ARHGAP32: variants seen among roughly 807,000 people sequenced by gnomAD.
The protein encoded by ARHGAP32 is Rho GTPase activating protein 32.
Under a neutral mutation model 186.5 loss-of-function variants are expected in ARHGAP32, and 51 were observed. That is an observed-to-expected ratio of 0.27 (90% confidence interval 0.22 to 0.35). The LOEUF (loss-of-function observed/expected upper bound fraction) is 0.35, where lower values mean the gene tolerates loss of function less well. ARHGAP32 is among the 10% of genes least tolerant of loss of function. ARHGAP32 has a pLI of 1.00. For synonymous variants in ARHGAP32, 950 were observed against 964.3 expected, an observed-to-expected ratio of 0.99 and a Z score of 0.27; for missense variants, 2,186 against 2,623.5, an observed-to-expected ratio of 0.83 and a Z score of 3.64.
intron 1 of ARHGAP32, among the ~76,000 whole-genome samples, chr11:129,236,146 A>G (rs940321407): frequency 5.9e-5 from 9 of 152,212 alleles, no homozygotes; most frequent in African/African-American, 2.2e-4. Flanking sequence ...GAATCTCCAC[A>G]CTGTTTTCCA....
chr11:129,262,586 G>C (rs1307306450), intron 1 of ARHGAP32, among the ~76,000 whole-genome samples: 2 of 151,882 alleles, frequency 1.3e-5, no homozygotes, highest in African/African-American at 4.8e-5. Flanking sequence ...GGTTTCACCA[G>C]GGGGTTTCAC....
intron 1 of ARHGAP32, among the ~76,000 whole-genome samples, chr11:129,184,960 G>A (rs1944129184): frequency 6.6e-6 from 1 of 152,160 alleles, no homozygotes; most frequent in South Asian, 2.1e-4. Context: ...ATGTGATACA[G>A]AGAAGAAGCA....
chr11:129,117,129 T>G (rs1429123877), intron 5 of ARHGAP32, among the ~76,000 whole-genome samples: 3 of 152,030 alleles, frequency 2.0e-5, no homozygotes, highest in Non-Finnish European at 4.4e-5. Flanking sequence ...CTCCTTTTTG[T>G]TAAAGTATTA....
intron 1 of ARHGAP32, among the ~76,000 whole-genome samples, chr11:129,244,995 T>C (rs1422043840): frequency 2.0e-5 from 3 of 152,054 alleles, no homozygotes; most frequent in African/African-American, 4.8e-5. Context: ...TTTTACACTG[T>C]TGCTGGGACT....
rs576698626 is a variant in ARHGAP32 at position 129,249,499 on chromosome 11, C to T, written c.-5+29647G>A. On this transcript the variant is annotated intron_variant, in intron 1 of 6. Transcript: ENST00000525234. ...GACAGATGCTAATGCCAGGTCTCAACTGCAGACTACAATCTAAGACACTGC... is the reference window on the plus strand; with the variant it reads ...GACAGATGCTAATGCCAGGTCTCAATTGCAGACTACAATCTAAGACACTGC... Among the ~76,000 whole-genome samples the T allele has an allele frequency of 3.9e-4, 60 of 152,294 alleles. No homozygotes were observed. The South Asian group carries it at 0.011, about 28-fold the overall frequency.
At chr11:129,080,574 T>C (rs954031123) in intron 6 of ARHGAP32, among the ~76,000 whole-genome samples, 2 of 152,134 alleles carry the variant, frequency 1.3e-5, no homozygotes, top group Non-Finnish European at 2.9e-5. Flanking sequence ...AGACACAACC[T>C]ATCAAAACCT....
chr11:129,089,790 A>T (rs1315883352), intron 6 of ARHGAP32, among the ~76,000 whole-genome samples: 1 of 152,202 alleles, frequency 6.6e-6, no homozygotes, highest in African/African-American at 2.4e-5. Flanking sequence ...CAAACAAGAG[A>T]TCATGCTTGA....
intron 1 of ARHGAP32, among the ~76,000 whole-genome samples, chr11:129,165,235 A>G (rs1943609983): frequency 6.6e-6 from 1 of 151,996 alleles, no homozygotes; most frequent in Non-Finnish European, 1.5e-5. Flanking sequence ...TAAGCTTACA[A>G]ATATGTAGGA....
At chr11:129,083,110 G>T (rs1237369890) in intron 6 of ARHGAP32, among the ~76,000 whole-genome samples, 1 of 152,144 alleles carries the variant, frequency 6.6e-6, no homozygotes, top group African/African-American at 2.4e-5. Context: ...TGTTGGCATT[G>T]ATGTGGTAAA....
At chr11:129,051,598 C>T (rs557540754) in intron 10 of ARHGAP32, among the ~76,000 whole-genome samples, 1 of 152,192 alleles carries the variant, frequency 6.6e-6, no homozygotes, top group South Asian at 2.1e-4. Flanking sequence ...TTGCCTAATC[C>T]AAAGCCACAA....
intron 1 of ARHGAP32, among the ~76,000 whole-genome samples, chr11:129,172,623 A>C (rs1454277383): frequency 6.6e-6 from 1 of 152,224 alleles, no homozygotes; most frequent in Non-Finnish European, 1.5e-5. Flanking sequence ...TCACATTAGA[A>C]CTCAAGATTA....
At chr11:129,197,056 C>CA (rs796888485), upstream of ARHGAP32, among the ~76,000 whole-genome samples, 15 of 149,454 alleles carry the variant, frequency 1.0e-4, no homozygotes, top group African/African-American at 2.7e-4. Context: ...GACTCCATCT[C>CA]AAAAAAAAAT....
At chr11:129,014,488 T>C (rs528911224) in intron 11 of ARHGAP32, among the ~76,000 whole-genome samples, 1 of 152,304 alleles carries the variant, frequency 6.6e-6, no homozygotes, top group Non-Finnish European at 1.5e-5. Context: ...TTAAGATAAA[T>C]CTGGGCTTGG....
At chr11:129,130,427 C>T (rs1193571420) in intron 2 of ARHGAP32, among the ~76,000 whole-genome samples, 1 of 151,318 alleles carries the variant, frequency 6.6e-6, no homozygotes, top group African/African-American at 2.4e-5. Context: ...GCAAAAAAAA[C>T]TCATAAGCAA....
At chr11:129,092,291 C>T (rs535440402) in intron 6 of ARHGAP32, among the ~76,000 whole-genome samples, 7 of 151,436 alleles carry the variant, frequency 4.6e-5, no homozygotes, top group East Asian at 1.9e-4. Flanking sequence ...TTTGCATTCT[C>T]GAAGCATATG....
At chr11:129,121,146 G>C (rs1175301585) in intron 5 of ARHGAP32, among the ~76,000 whole-genome samples, 1 of 151,684 alleles carries the variant, frequency 6.6e-6, no homozygotes, top group East Asian at 1.9e-4. Flanking sequence ...GTAGCAGATA[G>C]AACATAGGAT....
rs535110024 is a variant in ARHGAP32, at chr11:128,998,416, A to G, written c.1098T>C (p.Ser366=). The change falls in exon 12 of 23, where the codon TCT becomes TCC. Residue 366 remains serine, a synonymous_variant. Coordinates refer to ENST00000682385, the MANE Select transcript of ARHGAP32 (RefSeq NM_001378024.1). ...GCTTCAGCTTCTGTTTTGTTGGACG[A>G]GACTTCATGAATGTTCGTAAGAACG... is the stretch of plus-strand genomic sequence containing the variant. The part of the protein sequence containing the change: ...LITFLRTFMK[S]RPTKQKLKQR... 224 of 1,595,138 alleles carry G rather than the reference A, an allele frequency of 1.4e-4. 2 individuals are homozygous for G. The South Asian group carries it at 2.6e-3, about 18-fold the overall frequency.
At chr11:129,033,414 A>G (rs1412906101) in intron 11 of ARHGAP32, among the ~76,000 whole-genome samples, 1 of 152,186 alleles carries the variant, frequency 6.6e-6, no homozygotes, top group African/African-American at 2.4e-5. Flanking sequence ...CCAACCTTAG[A>G]TATCATTATC....
chr11:129,155,044 T>G (rs1943369489), intron 2 of ARHGAP32, among the ~76,000 whole-genome samples: 2 of 152,120 alleles, frequency 1.3e-5, no homozygotes, highest in African/African-American at 2.4e-5. Context: ...ATTTGAAAAC[T>G]AAATGGAATT....
Sources: allele counts gnomAD v4.1 joint callset (sites outside exome capture counted in the v4.1 genomes callset), GRCh38; gene constraint gnomAD v4.1.1; transcripts MANE v1.5; gene names NCBI Gene and HGNC (gene_info 2026-07-23, HGNC 2026-07-21).